DPP6: variants seen among roughly 807,000 people sequenced by gnomAD.
DPP6 encodes A-type potassium channel modulatory protein DPP6.
A neutral mutation model predicts 122.6 loss-of-function variants in DPP6; 69 were observed. The ratio of observed to expected loss-of-function variants is 0.56; its 90% CI spans 0.46 to 0.69. The LOEUF is 0.69. Ranked by LOEUF, DPP6 falls within the 30% of genes least tolerant of loss-of-function variation. The probability of loss-of-function intolerance (pLI) is 0.00; values close to 1 mark genes in which losing one functional copy is unlikely to be tolerated. For missense variants in DPP6, 928 were observed against 1,116.9 expected (o/e 0.83, Z 2.41); for synonymous variants, 418 against 433.1 (o/e 0.97, Z 0.43).
At chr7:154,160,415 C>T (rs1297466562) in intron 1 of DPP6, among the ~76,000 whole-genome samples, 1 of 152,208 alleles carries the variant, frequency 6.6e-6, no homozygotes, top group Non-Finnish European at 1.5e-5. Context: ...CTAAAGTCAT[C>T]ATGGAAAGTA....
At chr7:154,695,232 C>T (rs1840151454) in intron 7 of DPP6, among the ~76,000 whole-genome samples, 1 of 152,084 alleles carries the variant, frequency 6.6e-6, no homozygotes, top group Non-Finnish European at 1.5e-5. Flanking sequence ...TGCCTCGGCC[C>T]CCGGGTACCT....
intron 7 of DPP6, among the ~76,000 whole-genome samples, chr7:154,692,622 G>C (rs1258883986): frequency 6.6e-6 from 1 of 152,022 alleles, no homozygotes; most frequent in Non-Finnish European, 1.5e-5. Flanking sequence ...GAGAATTTGG[G>C]GTGTGAAATT....
chr7:154,367,454 A>G (rs761684928), intron 1 of DPP6, among the ~76,000 whole-genome samples: 2 of 152,228 alleles, frequency 1.3e-5, no homozygotes, highest in Non-Finnish European at 2.9e-5. Flanking sequence ...CTGCATTCAA[A>G]TATCTGGCAT....
chr7:154,061,873 CGCG>C (rs1801990307), intron 1 of DPP6, among the ~76,000 whole-genome samples: 1 of 130,322 alleles, frequency 7.7e-6, no homozygotes, highest in East Asian at 2.2e-4. Flanking sequence ...AGGCACCCCC[CGCG>C]AGGCAGGGAC....
intron 3 of DPP6, among the ~76,000 whole-genome samples, chr7:154,490,292 C>T (rs1824162195): frequency 6.6e-6 from 1 of 152,158 alleles, no homozygotes; most frequent in East Asian, 1.9e-4. Flanking sequence ...GAGACAACAC[C>T]CCCAGGTGTC....
chr7:154,669,146 C>T (rs1838385810), intron 6 of DPP6, among the ~76,000 whole-genome samples: 1 of 152,076 alleles, frequency 6.6e-6, no homozygotes, highest in Non-Finnish European at 1.5e-5. Context: ...CAATGATGGA[C>T]CTATTTCAGC....
At chr7:154,686,915 C>T (rs374450410) in intron 7 of DPP6, among the ~76,000 whole-genome samples, 7 of 152,284 alleles carry the variant, frequency 4.6e-5, no homozygotes, top group South Asian at 4.2e-4. Flanking sequence ...GCCCAGAGCT[C>T]GGACTCCAGG....
Position 154,241,457 on chromosome 7 carries a change from G to A in DPP6, c.243+188394G>A, listed in dbSNP as rs1355719025. Among the ~76,000 whole-genome samples, 1 of 152,006 alleles carries A rather than the reference G, an allele frequency of 6.6e-6. No homozygotes were observed. Among genetic ancestry groups the A allele is most frequent in the African/African-American group, 2.4e-5 (1 of 41,370 alleles). On this transcript the variant is annotated intron_variant, in intron 1 of 25. Coordinates refer to ENST00000377770, the MANE Select transcript of DPP6 (RefSeq NM_130797.4). The surrounding 1 kb of genome is among the most constrained non-coding windows in gnomAD (Gnocchi z 9.0). ...CACCTGTAGTCCTGGCTATTTGGGA[G>A]GCGGAGGCAGGAGAATCGCTTGAAC... is the stretch of plus-strand genomic sequence containing the variant.
At chr7:154,473,648 T>C (rs191906935) in intron 2 of DPP6, among the ~76,000 whole-genome samples, 40 of 152,356 alleles carry the variant, frequency 2.6e-4, no homozygotes, top group African/African-American at 9.1e-4. Context: ...TCCTATTTGT[T>C]TATGTAATCC....
At chr7:154,794,951 A>G (rs1272995685) in intron 11 of DPP6, among the ~76,000 whole-genome samples, 1 of 152,032 alleles carries the variant, frequency 6.6e-6, no homozygotes, top group East Asian at 1.9e-4. Context: ...CAAGGCTTGC[A>G]GGCATATTTA....
At chr7:154,031,489 T>TA (rs1297703655) in intron 1 of DPP6, among the ~76,000 whole-genome samples, 25 of 151,802 alleles carry the variant, frequency 1.6e-4, no homozygotes, top group East Asian at 3.9e-4. Context: ...TACCTGTGAC[T>TA]AAAAAAAATC....
chr7:154,299,561 C>T (rs1371877173), intron 1 of DPP6, among the ~76,000 whole-genome samples: 2 of 152,192 alleles, frequency 1.3e-5, no homozygotes, highest in Non-Finnish European at 2.9e-5. Flanking sequence ...TGGATCCTGG[C>T]ATGACTCCAG....
intron 12 of DPP6, chr7:154,796,300 C>T (rs1357099206): frequency 6.0e-6 from 1 of 167,266 alleles, no homozygotes; most frequent in Non-Finnish European, 1.3e-5. Flanking sequence ...CATTTGGAGT[C>T]ACCTCCTCTG....
chr7:154,061,368 A>G (rs796921593), intron 1 of DPP6, among the ~76,000 whole-genome samples: 12,535 of 125,068 alleles, frequency 0.1, no homozygotes, highest in South Asian at 0.14. Flanking sequence ...AGAGAGAGAA[A>G]AGATGGCAGC....
chr7:154,794,463 C>T (rs570604814), intron 11 of DPP6, among the ~76,000 whole-genome samples: 1 of 152,238 alleles, frequency 6.6e-6, no homozygotes, highest in African/African-American at 2.4e-5. Flanking sequence ...GGACGCCGTC[C>T]GCAGTTCACT....
chr7:154,575,356 GTGTGTGTGA>G (rs1831526846), intron 5 of DPP6, among the ~76,000 whole-genome samples: 1 of 106,724 alleles, frequency 9.4e-6, no homozygotes, highest in Admixed American at 9.9e-5. Context: ...TGTGTGTGGT[GTGTGTGTGA>G]TGTGTGTGTA....
At chr7:154,261,048 A>C (rs1802983356) in intron 1 of DPP6, among the ~76,000 whole-genome samples, 1 of 151,884 alleles carries the variant, frequency 6.6e-6, no homozygotes, top group South Asian at 2.1e-4. Context: ...GGCACATGCC[A>C]CCACGCCTGG....
chr7:153,969,142 G>A (rs867113305), intron 1 of DPP6, among the ~76,000 whole-genome samples: 3 of 151,162 alleles, frequency 2.0e-5, no homozygotes, highest in African/African-American at 4.9e-5. Flanking sequence ...GAGTCATGTG[G>A]TAACTCCATG....
the DPP6 span, among the ~76,000 whole-genome samples, chr7:153,862,810 G>T: frequency 6.6e-6 from 1 of 151,802 alleles, no homozygotes; most frequent in Non-Finnish European, 1.5e-5. Flanking sequence ...AAAATTATGC[G>T]TTAAGTAATT....
Sources: allele counts gnomAD v4.1 joint callset (sites outside exome capture counted in the v4.1 genomes callset), GRCh38; gene constraint gnomAD v4.1.1; non-coding constraint Gnocchi (gnomAD v3.1); transcripts MANE v1.5; gene names NCBI Gene and HGNC (gene_info 2026-07-23, HGNC 2026-07-21).